SCRG1: variants seen among roughly 807,000 people sequenced by gnomAD.
SCRG1 encodes stimulator of chondrogenesis 1.
In SCRG1, 3 loss-of-function variants were observed where a neutral mutation model predicts 7.7. The ratio of observed to expected loss-of-function variants is 0.39; its 90% confidence interval spans 0.18 to 1.01. The LOEUF is 1.01. SCRG1 is among the 50% of genes least tolerant of loss of function. SCRG1 has a pLI of 0.36. For synonymous variants in SCRG1, 46 were observed against 41.2 expected, an observed-to-expected ratio of 1.12 and a Z score of -0.44; for missense variants, 110 against 117.2, an observed-to-expected ratio of 0.94 and a Z score of 0.28.
chr4:173,451,642 A>T, the SCRG1 span, among the ~76,000 whole-genome samples: 11 of 87,052 alleles, frequency 1.3e-4, no homozygotes, highest in African/African-American at 4.8e-4. Context: ...TATTTTATTT[A>T]TTTATTTATT....
At chr4:173,447,449 G>GT in the SCRG1 span, among the ~76,000 whole-genome samples, 5 of 152,354 alleles carry the variant, frequency 3.3e-5, no homozygotes, top group African/African-American at 1.2e-4. Flanking sequence ...GATGAGATCA[G>GT]TGGTATTGTT....
At chr4:173,473,443 C>T in the SCRG1 span, among the ~76,000 whole-genome samples, 4 of 151,998 alleles carry the variant, frequency 2.6e-5, no homozygotes, top group South Asian at 6.2e-4. Flanking sequence ...TGGGTGTAGG[C>T]GATGTGAGAG....
chr4:173,506,672 T>C, the SCRG1 span, among the ~76,000 whole-genome samples: 1 of 151,672 alleles, frequency 6.6e-6, no homozygotes, highest in Non-Finnish European at 1.5e-5. This position sits in a 1 kb window ranked among gnomAD's most constrained non-coding sequence, Gnocchi z 5.3. Context: ...TGAGGCGGGG[T>C]TGTGGAGGAG....
chr4:173,392,034 T>C (rs761353724), intron 1 of SCRG1, among the ~76,000 whole-genome samples: 2 of 152,226 alleles, frequency 1.3e-5, no homozygotes, highest in Admixed American at 6.5e-5. Context: ...ACAACTGTTT[T>C]TTAAGGTGGT....
chr4:173,394,446 C>G (rs879396422), intron 1 of SCRG1, among the ~76,000 whole-genome samples: 10 of 152,082 alleles, frequency 6.6e-5, no homozygotes, highest in African/African-American at 9.7e-5. Context: ...AGATCGAGAC[C>G]ATCCTGGCTA....
chr4:173,487,663 T>C, the SCRG1 span, among the ~76,000 whole-genome samples: 1 of 152,198 alleles, frequency 6.6e-6, no homozygotes, highest in African/African-American at 2.4e-5. Flanking sequence ...TGAAATACAT[T>C]AGAATTTTTT....
the SCRG1 span, among the ~76,000 whole-genome samples, chr4:173,473,269 G>A: frequency 1.3e-5 from 2 of 152,370 alleles, no homozygotes; most frequent in South Asian, 4.1e-4. Flanking sequence ...AGGTGGGACA[G>A]CCAAATAAAT....
chr4:173,490,786 C>A, the SCRG1 span, among the ~76,000 whole-genome samples: 4 of 152,294 alleles, frequency 2.6e-5, no homozygotes, highest in Admixed American at 2.6e-4. Context: ...TAATACAGTT[C>A]TACTGTAACT....
chr4:173,440,340 C>A, the SCRG1 span, among the ~76,000 whole-genome samples: 2 of 152,204 alleles, frequency 1.3e-5, no homozygotes, highest in Non-Finnish European at 2.9e-5. Flanking sequence ...AATATGTAGG[C>A]TAATTCTAGG....
At chr4:173,512,208 G>T in the SCRG1 span, among the ~76,000 whole-genome samples, 1 of 152,166 alleles carries the variant, frequency 6.6e-6, no homozygotes, top group Non-Finnish European at 1.5e-5. Flanking sequence ...GTCCTGAGAG[G>T]GCATTAGTCC....
At chr4:173,394,246 T>C (rs1389715620) in intron 1 of SCRG1, among the ~76,000 whole-genome samples, 1 of 150,962 alleles carries the variant, frequency 6.6e-6, no homozygotes, top group East Asian at 2.0e-4. Flanking sequence ...GTTTTTCTTT[T>C]TCTTCTTCTT....
the SCRG1 span, among the ~76,000 whole-genome samples, chr4:173,496,150 G>T: frequency 6.6e-6 from 1 of 152,168 alleles, no homozygotes; most frequent in East Asian, 1.9e-4. Context: ...TGAAGTCTAT[G>T]GGGGAATGAA....
the SCRG1 span, among the ~76,000 whole-genome samples, chr4:173,426,127 A>G: frequency 3.9e-5 from 6 of 152,258 alleles, no homozygotes; most frequent in African/African-American, 7.2e-5. Context: ...TGAATGGGAC[A>G]TACTTATAAT....
intron 1 of SCRG1, among the ~76,000 whole-genome samples, chr4:173,398,839 T>G (rs1409298524): frequency 6.6e-6 from 1 of 152,212 alleles, no homozygotes; most frequent in Non-Finnish European, 1.5e-5. Flanking sequence ...TGTAATGAAA[T>G]GACTTTCCTA....
the SCRG1 span, among the ~76,000 whole-genome samples, chr4:173,474,395 T>C: frequency 2.0e-5 from 3 of 152,204 alleles, no homozygotes; most frequent in African/African-American, 7.2e-5. Flanking sequence ...ACTCTGTAAA[T>C]CCAGATTTGT....
chr4:173,443,885 G>A, the SCRG1 span, among the ~76,000 whole-genome samples: 1 of 151,542 alleles, frequency 6.6e-6, no homozygotes, highest in South Asian at 2.1e-4. Flanking sequence ...ATATGTTCAG[G>A]ACCGTGTCAT....
the SCRG1 span, among the ~76,000 whole-genome samples, chr4:173,412,316 C>A: frequency 6.6e-6 from 1 of 152,200 alleles, no homozygotes; most frequent in South Asian, 2.1e-4. Context: ...CTGAGTAGTT[C>A]CGCAAATCTC....
chr4:173,421,418 G>GT, the SCRG1 span, among the ~76,000 whole-genome samples: 27 of 151,806 alleles, frequency 1.8e-4, no homozygotes, highest in Non-Finnish European at 3.1e-4. Context: ...TAGTTTGTTG[G>GT]GGGGGGGTTG....
At chr4:173,517,222 C>G in the SCRG1 span, among the ~76,000 whole-genome samples, 1 of 152,156 alleles carries the variant, frequency 6.6e-6, no homozygotes, top group Non-Finnish European at 1.5e-5. Flanking sequence ...GTGGTGGGGA[C>G]TGCAGTCTGG....
Sources: allele counts gnomAD v4.1 joint callset (sites outside exome capture counted in the v4.1 genomes callset), GRCh38; gene constraint gnomAD v4.1.1; non-coding constraint Gnocchi (gnomAD v3.1); transcripts MANE v1.5; gene names NCBI Gene and HGNC (gene_info 2026-07-23, HGNC 2026-07-21).